Variants in FBXO25 observed in about 807,000 individuals in gnomAD.
FBXO25 encodes the protein F-box protein 25.
A neutral mutation model predicts 51.9 loss-of-function variants in FBXO25; 45 were observed. That is an observed-to-expected ratio of 0.87 (90% CI 0.68 to 1.11). The LOEUF (loss-of-function observed/expected upper bound fraction) is 1.11, where lower values mean the gene tolerates loss of function less well. FBXO25 is among the 50% of genes most tolerant of loss of function. The probability of loss-of-function intolerance (pLI) is 0.00; values close to 1 mark genes in which losing one functional copy is unlikely to be tolerated. For missense variants in FBXO25, 507 were observed against 428.5 expected, an observed-to-expected ratio of 1.18 and a Z score of -1.62; for synonymous variants, 199 against 151.0, an observed-to-expected ratio of 1.32 and a Z score of -2.33.
chr8:430,055 G>A (rs1026536089), intron 2 of FBXO25, among the ~76,000 whole-genome samples: 5 of 152,226 alleles, frequency 3.3e-5, no homozygotes, highest in Non-Finnish European at 7.3e-5. Flanking sequence ...GCTGCATGGA[G>A]TGTCCTTCTC....
In FBXO25 at chr8:474,932, T is replaced by G; in HGVS notation, c.*6128T>G. 2.2e-6 allele frequency: 1 copy of G among 453,376 alleles called. No individual in the cohort carries two copies. The highest frequency in any genetic ancestry group is 4.4e-6 in the Non-Finnish European group (1 of 226,374). 28.1% of individuals were successfully genotyped at this position (453,376 alleles called of 1,614,324 possible). Reference sequence around the variant, plus strand: ...TATCATTTTAAAATACTTTGTCCCATTCCGTGGATTGCCTTTCACTCTGTT... The same window carrying G: ...TATCATTTTAAAATACTTTGTCCCAGTCCGTGGATTGCCTTTCACTCTGTT... On this transcript the variant is annotated 3_prime_UTR_variant, in exon 10 of 10. Transcript: ENST00000350302.
chr8:468,615 A>G, intron 9 of FBXO25, 100 bp from the exon 10 acceptor site: 1 of 848,228 alleles, frequency 1.2e-6, no homozygotes, highest in Non-Finnish European at 1.9e-6. Flanking sequence ...GGTGGGGCCC[A>G]GGGTCCACAT....
rs1043617991 is a variant in FBXO25 at position 476,881 on chromosome 8, G to A, written c.*8077G>A. On this transcript the variant is annotated 3_prime_UTR_variant, in exon 10 of 10. Coordinates refer to ENST00000350302, the MANE Select transcript of FBXO25 (RefSeq NM_183420.2). Reference sequence around the variant, plus strand: ...TGCTCTTCTTTTTCTAGTTCTTTCAGATGTAAATTTAGGGTTGACTTGAGA... The same window carrying A: ...TGCTCTTCTTTTTCTAGTTCTTTCAAATGTAAATTTAGGGTTGACTTGAGA... 1 of 151,986 alleles carries A rather than the reference G, an allele frequency of 6.6e-6. No individual in the cohort carries two copies. The highest frequency in any genetic ancestry group is 1.5e-5 in the Non-Finnish European group (1 of 67,992). The allele number at this position is 151,986 out of a possible 1,614,324, so 9.4% of individuals were successfully genotyped here.
rs572847450 is a variant in FBXO25, at chr8:474,299, T to G, written c.*5495T>G. On this transcript the variant is annotated 3_prime_UTR_variant, in exon 10 of 10. Transcript: ENST00000350302. ...ATATGTCAAGATTTCTTTTTAAGGC[T>G]GATTCTATGGATGGACCACATTTTG... 3.7e-4 allele frequency: 67 copies of G among 182,842 alleles called. 1 individual carries two copies. In the South Asian group the frequency reaches 8.1e-3, roughly 22 times the overall value. The allele number at this position is 182,842 out of a possible 1,614,324, so 11.3% of individuals were successfully genotyped here.
intron 5 of FBXO25, among the ~76,000 whole-genome samples, chr8:448,051 A>G (rs1392938697): frequency 2.0e-5 from 3 of 152,234 alleles, no homozygotes; most frequent in Admixed American, 2.0e-4. Context: ...GAGAAAATTA[A>G]TAAGAATGAA....
intron 2 of FBXO25, among the ~76,000 whole-genome samples, chr8:423,333 C>A (rs1797269405): frequency 6.6e-6 from 1 of 152,126 alleles, no homozygotes. Flanking sequence ...ACAGGGGGTC[C>A]ATGTACAGAT....
chr8:452,894 A>G (rs1456022352), intron 7 of FBXO25, among the ~76,000 whole-genome samples: 3 of 152,200 alleles, frequency 2.0e-5, no homozygotes, highest in Non-Finnish European at 2.9e-5. Flanking sequence ...GCAGGAAGGC[A>G]TGGCTGTATG....
chr8:446,506 C>T (rs1406498081), intron 5 of FBXO25, among the ~76,000 whole-genome samples: 1 of 152,082 alleles, frequency 6.6e-6, no homozygotes, highest in African/African-American at 2.4e-5. Flanking sequence ...GAATCGCATC[C>T]GCCAGTCCAG....
At chr8:465,298 C>G (rs1585109039) in intron 9 of FBXO25, among the ~76,000 whole-genome samples, 1 of 152,252 alleles carries the variant, frequency 6.6e-6, no homozygotes, top group East Asian at 1.9e-4. Context: ...TAAGAGTGGA[C>G]ACAATACTGT....
intron 8 of FBXO25, among the ~76,000 whole-genome samples, chr8:461,620 A>G (rs1237222890): frequency 6.6e-6 from 1 of 152,212 alleles, no homozygotes; most frequent in Non-Finnish European, 1.5e-5. Context: ...CAGCTAAAAC[A>G]TCAGCATCAC....
intron 1 of FBXO25, among the ~76,000 whole-genome samples, chr8:409,385 C>G (rs1442421430): frequency 6.6e-6 from 1 of 152,170 alleles, no homozygotes; most frequent in African/African-American, 2.4e-5. Context: ...ATTTCCATGG[C>G]TGCATTTCAC....
chr8:450,008 A>G lies in FBXO25; in HGVS notation c.400A>G (p.Lys134Glu). Residue 134 changes from lysine to glutamate, a missense_variant, in exon 6 of 10, where the codon AAA becomes GAA. Transcript: ENST00000350302. ...YVVKLLQLIA[K>E]SQLTSLSGVA... ...CTTTAAGCTGTTGCAGCTAATTGCA[A>G]AATCCCAGTTAACTTCATTGAGTGG... is the stretch of plus-strand genomic sequence containing the variant. The G allele has an allele frequency of 6.2e-7, 1 of 1,611,218 alleles. No individual in the cohort carries two copies. The highest frequency in any genetic ancestry group is 2.2e-5 in the East Asian group (1 of 44,732).
At chr8:445,712 C>G (rs1222565522) in intron 5 of FBXO25, among the ~76,000 whole-genome samples, 1 of 152,078 alleles carries the variant, frequency 6.6e-6, no homozygotes, top group Non-Finnish European at 1.5e-5. Flanking sequence ...CTTAGCCAGG[C>G]ATACAGAAAA....
Position 431,324 on chromosome 8 carries a change from A to T in FBXO25, c.135-17A>T, listed in dbSNP as rs1419810703. The T allele has an allele frequency of 1.2e-5, 15 of 1,278,560 alleles. No homozygotes were observed. The highest frequency in any genetic ancestry group is 1.5e-5 in the Non-Finnish European group (14 of 912,210). 79.2% of individuals were successfully genotyped at this position (1,278,560 alleles called of 1,614,324 possible). A position where few individuals can be genotyped will look rare whatever the true frequency, so the allele number is the denominator to read the frequency against. Reference sequence around the variant, plus strand: ...CTCCCTGAAAAAATATTTTAATAGAATGTGTCTTTATTTCAGTATCTTAAA... The same window carrying T: ...CTCCCTGAAAAAATATTTTAATAGATTGTGTCTTTATTTCAGTATCTTAAA... On this transcript the variant is annotated splice_polypyrimidine_tract_variant and intron_variant, in intron 2 of 9. Transcript: ENST00000350302.
chr8:451,337 A>G lies in FBXO25; in HGVS notation c.544A>G (p.Ile182Val). The G allele has an allele frequency of 1.2e-6, 2 of 1,613,848 alleles. No individual in the cohort carries two copies. Among genetic ancestry groups the G allele is most frequent in the Non-Finnish European group, 1.7e-6 (2 of 1,179,824 alleles). Reference sequence around the variant, plus strand: ...GCAAGACCTAAGCTCTACCCTCTGCATTCTTATTAGAGGAGTAGGGAAGTC... The same window carrying G: ...GCAAGACCTAAGCTCTACCCTCTGCGTTCTTATTAGAGGAGTAGGGAAGTC... ...LLQDLSSTLC[I>V]LIRGVGKSVL... The change falls in exon 7 of 10, where the codon ATT (isoleucine) becomes GTT (valine). Residue 182 changes from isoleucine to valine, a missense_variant. Coordinates refer to ENST00000350302, the MANE Select transcript of FBXO25 (RefSeq NM_183420.2).
At chr8:468,627 A>C in intron 9 of FBXO25, 88 bp from the exon 10 acceptor site, 1 of 990,622 alleles carries the variant, frequency 1.0e-6, no homozygotes, top group Non-Finnish European at 1.6e-6. Context: ...GGTCCACATC[A>C]ACAAGCAGCT....
At position 451,352 on chromosome 8, in the gene FBXO25, G is replaced by A; in HGVS notation, c.559G>A (p.Val187Ile). 1 of 1,613,940 alleles carries A rather than the reference G, an allele frequency of 6.2e-7. No individual in the cohort carries two copies. The highest frequency in any genetic ancestry group is 1.1e-5 in the South Asian group (1 of 91,074). Residue 187 changes from valine (V) to isoleucine (I), a missense_variant, in exon 7 of 10, where the codon GTA becomes ATA. By Grantham distance (29) the Val-to-Ile change is conservative. Transcript: ENST00000350302. ...TACCCTCTGCATTCTTATTAGAGGA[G>A]TAGGGAAGTCTGTATTAGTGGGAAA... ...SSTLCILIRGVGKSVLVGNIN... is the reference protein window; with the variant it reads ...SSTLCILIRGIGKSVLVGNIN...
chr8:413,047 T>A (rs1584998019), intron 1 of FBXO25, 26 bp from the exon 2 acceptor site: 16 of 1,453,718 alleles, frequency 1.1e-5, no homozygotes, highest in Non-Finnish European at 1.4e-5. Context: ...ATATATACTT[T>A]TTAACATAAT....
At chr8:412,993 T>C (rs1796574267) in intron 1 of FBXO25, 80 bp from the exon 2 acceptor site, 1 of 1,044,582 alleles carries the variant, frequency 9.6e-7, no homozygotes, top group Admixed American at 3.4e-5. Context: ...CTTTAATCTT[T>C]AAAATTAATA....
Sources: allele counts gnomAD v4.1 joint callset (sites outside exome capture counted in the v4.1 genomes callset), GRCh38; gene constraint gnomAD v4.1.1; transcripts MANE v1.5; gene names NCBI Gene and HGNC (gene_info 2026-07-23, HGNC 2026-07-21).